DNAI3: variants seen among roughly 807,000 people sequenced by gnomAD.
DNAI3 encodes the protein dynein axonemal intermediate chain 3, also known as WD repeat domain 63.
DNAI3 carries 83 observed loss-of-function variants against 115.5 expected under a neutral mutation model. The observed-to-expected ratio is 0.72, with a 90% CI of 0.60 to 0.86. DNAI3 has a LOEUF of 0.86. DNAI3 is among the 40% of genes least tolerant of loss of function. DNAI3 has a pLI of 0.00. For synonymous variants in DNAI3, 320 were observed against 347.0 expected (o/e 0.92, Z 0.86); for missense variants, 1,004 against 1,075.8 (o/e 0.93, Z 0.93).
chr1:85,100,979 G>A (rs190294907), intron 13 of DNAI3, among the ~76,000 whole-genome samples: 12 of 151,584 alleles, frequency 7.9e-5, no homozygotes, highest in East Asian at 2.0e-4. Context: ...GTTGTGGGGT[G>A]GGGGGAGGAG....
At chr1:85,083,431 G>A (rs1248643802) in intron 5 of DNAI3, among the ~76,000 whole-genome samples, 1 of 152,028 alleles carries the variant, frequency 6.6e-6, no homozygotes, top group Non-Finnish European at 1.5e-5. Context: ...AGGTTGCAGT[G>A]AGCCATGATC....
intron 7 of DNAI3, among the ~76,000 whole-genome samples, chr1:85,089,268 G>T (rs138406059): frequency 9.2e-5 from 14 of 151,560 alleles, no homozygotes; most frequent in African/African-American, 3.4e-4. Flanking sequence ...TGGCTCAGGG[G>T]TCATATAGCT....
chr1:85,109,928 A>C, intron 15 of DNAI3, 120 bp from the exon 16 acceptor site: 1 of 877,630 alleles, frequency 1.1e-6, no homozygotes, highest in Non-Finnish European at 1.8e-6. Flanking sequence ...AAGGGAAGGA[A>C]GAAAAAAAAG....
chr1:85,105,780 G>A (rs551967584), intron 14 of DNAI3, among the ~76,000 whole-genome samples: 2 of 152,238 alleles, frequency 1.3e-5, no homozygotes, highest in African/African-American at 4.8e-5. Context: ...GAATGAATCA[G>A]TGCCAATCAT....
intron 16 of DNAI3, among the ~76,000 whole-genome samples, chr1:85,110,523 C>T (rs1485540210): frequency 2.0e-5 from 3 of 150,984 alleles, no homozygotes; most frequent in African/African-American, 4.9e-5. Flanking sequence ...TTATGACTAA[C>T]GTGAGTTACT....
At chr1:85,130,288 G>A (rs1656274633) in intron 22 of DNAI3, 176 bp downstream of exon 22, 13 of 908,952 alleles carry the variant, frequency 1.4e-5, no homozygotes, top group Admixed American at 6.0e-5. Flanking sequence ...AGTTAGACAC[G>A]TAGTGAGATT....
chr1:85,105,406 T>A (rs1036415859), intron 14 of DNAI3, among the ~76,000 whole-genome samples: 16 of 152,012 alleles, frequency 1.1e-4, no homozygotes, highest in Non-Finnish European at 1.9e-4. Context: ...TACTGAGTGC[T>A]TTAATGGGTT....
chr1:85,094,361 A>T, intron 9 of DNAI3, 70 bp from the exon 10 acceptor site: 1 of 1,588,786 alleles, frequency 6.3e-7, no homozygotes, highest in East Asian at 2.2e-5. Context: ...TGTGTAGAAA[A>T]GCAAAAGCTA....
chr1:85,088,772 G>C (rs1022926458), intron 7 of DNAI3, among the ~76,000 whole-genome samples: 28 of 152,086 alleles, frequency 1.8e-4, no homozygotes, highest in African/African-American at 6.7e-4. Flanking sequence ...ATCATATTTC[G>C]AAAGTAAGAG....
Position 85,071,940 on chromosome 1 carries a change from C to T in DNAI3, c.-2C>T. ...TCTCTTTATGCAGCCCAAGTCAGAA[C>T]CATGGCTCCAAAACAAAAGAAAAAG... On this transcript the variant is annotated 5_prime_UTR_variant, in exon 2 of 23. Transcript: ENST00000294664. The T allele has an allele frequency of 1.2e-6, 2 of 1,611,210 alleles. No individual in the cohort carries two copies. Among genetic ancestry groups the T allele is most frequent in the Non-Finnish European group, 1.7e-6 (2 of 1,179,436 alleles).
chr1:85,066,314 C>CATTTTTTTTTTTTTTTT (rs1553164760), intron 1 of DNAI3, among the ~76,000 whole-genome samples: 1 of 70,014 alleles, frequency 1.4e-5, no homozygotes. Flanking sequence ...TTCTGCTACT[C>CATTTTTTTTTTTTTTTT]TTTTTTTTTT....
At chr1:85,100,959 T>A (rs1361453680) in intron 13 of DNAI3, among the ~76,000 whole-genome samples, 4 of 146,574 alleles carry the variant, frequency 2.7e-5, no homozygotes, top group Non-Finnish European at 4.5e-5. Flanking sequence ...AACATCACAC[T>A]CTGGGGACTG....
At chr1:85,076,297 A>G (rs1307531144) in intron 3 of DNAI3, among the ~76,000 whole-genome samples, 2 of 152,190 alleles carry the variant, frequency 1.3e-5, no homozygotes, top group Non-Finnish European at 2.9e-5. Flanking sequence ...CAAAATCCTT[A>G]ACCTTCAGTA....
intron 20 of DNAI3, 114 bp downstream of exon 20, chr1:85,126,829 C>A: frequency 1.9e-6 from 2 of 1,049,084 alleles, no homozygotes; most frequent in Non-Finnish European, 2.8e-6. Flanking sequence ...TTTCTTCCTG[C>A]TCATCCCTTC....
At chr1:85,097,761 G>T in intron 12 of DNAI3, 106 bp downstream of exon 12, 3 of 763,348 alleles carry the variant, frequency 3.9e-6, no homozygotes, top group Non-Finnish European at 5.6e-6. Context: ...GAGAAAAAAG[G>T]AAAAAAAAAA....
In DNAI3 at chr1:85,084,559, CAGA is replaced by C. The variant is rs747585270; in HGVS notation, c.409_411del (p.Glu137del). 6.9e-6 allele frequency: 10 copies of C among 1,455,718 alleles called. No individual in the cohort carries two copies. Among genetic ancestry groups the C allele is most frequent in the Non-Finnish European group, 9.1e-6 (10 of 1,100,080 alleles). 90.2% of individuals were successfully genotyped at this position (1,455,718 alleles called of 1,614,324 possible). Reference sequence around the variant, plus strand: ...ATTTTACTTTAGCCCCCAGAAGTACCAGAAGAACAAGAAGAATATAAAGAACAT... The same window carrying C: ...ATTTTACTTTAGCCCCCAGAAGTACCAGAACAAGAAGAATATAAAGAACAT... On this transcript the variant is annotated inframe_deletion, in exon 6 of 23. Coordinates refer to ENST00000294664, the MANE Select transcript of DNAI3 (RefSeq NM_145172.5).
intron 7 of DNAI3, among the ~76,000 whole-genome samples, chr1:85,088,304 A>G (rs906345373): frequency 2.0e-5 from 3 of 152,154 alleles, no homozygotes; most frequent in Non-Finnish European, 4.4e-5. Flanking sequence ...TAGAGGGAGT[A>G]AACAGATGAG....
chr1:85,113,401 A>G (rs78507281), intron 16 of DNAI3, among the ~76,000 whole-genome samples: 7,885 of 152,224 alleles, frequency 0.052, 272 homozygotes, highest in East Asian at 0.15. Flanking sequence ...TAATTGGTAT[A>G]TGTTATGGAT....
At chr1:85,110,961 T>C (rs1460331952) in intron 16 of DNAI3, among the ~76,000 whole-genome samples, 1 of 152,184 alleles carries the variant, frequency 6.6e-6, no homozygotes, top group African/African-American at 2.4e-5. Context: ...CTGAAATAAT[T>C]GAAGGGGGCA....
Sources: allele counts gnomAD v4.1 joint callset (sites outside exome capture counted in the v4.1 genomes callset), GRCh38; gene constraint gnomAD v4.1.1; transcripts MANE v1.5; gene names NCBI Gene and HGNC (gene_info 2026-07-23, HGNC 2026-07-21).